Variants in DPH6 observed in about 807,000 individuals in gnomAD.
The protein encoded by DPH6 is diphthine--ammonia ligase.
Under a neutral mutation model 38.2 loss-of-function variants are expected in DPH6, and 33 were observed. The observed-to-expected ratio is 0.86, with a 90% CI of 0.65 to 1.15. DPH6 has a LOEUF of 1.15. Among genes scored for constraint, DPH6 ranks in the 50% most tolerant of loss-of-function variants. DPH6 has a pLI of 0.00. For missense variants in DPH6, 325 were observed against 320.0 expected (o/e 1.02, Z -0.12); for synonymous variants, 108 against 103.0 (o/e 1.05, Z -0.30).
downstream of DPH6, among the ~76,000 whole-genome samples, chr15:35,366,442 T>C (rs1301330549): frequency 1.3e-5 from 2 of 151,974 alleles, no homozygotes; most frequent in Admixed American, 1.3e-4. Flanking sequence ...TAAGTGTTTA[T>C]TTAGCACTGA....
the DPH6 span, among the ~76,000 whole-genome samples, chr15:35,192,913 T>C: frequency 6.6e-6 from 1 of 152,166 alleles, no homozygotes. Context: ...TGTTGCTTTC[T>C]AGAAACTGCC....
intron 3 of DPH6, among the ~76,000 whole-genome samples, chr15:35,346,296 G>T (rs958043471): frequency 2.6e-5 from 4 of 151,894 alleles, no homozygotes; most frequent in African/African-American, 9.7e-5. Flanking sequence ...ATCTACTCTT[G>T]GAAGTGTGTG....
chr15:35,234,683 T>C (rs1420347480), intron 3 of DPH6, among the ~76,000 whole-genome samples: 3 of 152,258 alleles, frequency 2.0e-5, no homozygotes, highest in Admixed American at 6.5e-5. Flanking sequence ...AATGAAAACA[T>C]TGCATTTCTT....
intron 3 of DPH6, chr15:35,365,868 G>A: frequency 3.0e-6 from 3 of 985,212 alleles, no homozygotes; most frequent in South Asian, 9.4e-5. Context: ...CTACAGCCCA[G>A]CACCCATTCA....
chr15:35,153,256 A>G, the DPH6 span, among the ~76,000 whole-genome samples: 9 of 152,226 alleles, frequency 5.9e-5, no homozygotes, highest in Non-Finnish European at 1.3e-4. Flanking sequence ...TATCTGGCAT[A>G]CAGAAAAAAA....
At chr15:35,389,528 T>C (rs995042850) in intron 6 of DPH6, among the ~76,000 whole-genome samples, 2 of 152,228 alleles carry the variant, frequency 1.3e-5, no homozygotes, top group Admixed American at 6.5e-5. Flanking sequence ...GGTGCTCCTG[T>C]ATTGGGTGCA....
downstream of DPH6, among the ~76,000 whole-genome samples, chr15:35,368,731 T>A (rs2052684196): frequency 1.3e-5 from 2 of 151,872 alleles, no homozygotes; most frequent in Admixed American, 6.6e-5. Flanking sequence ...AGGAGAACAG[T>A]TGTGTTAAAT....
At chr15:35,177,448 T>C in the DPH6 span, among the ~76,000 whole-genome samples, 13 of 151,538 alleles carry the variant, frequency 8.6e-5, no homozygotes, top group Non-Finnish European at 1.9e-4. Flanking sequence ...TAGCTGAGCA[T>C]GATGGTGTCC....
chr15:35,415,571 A>G (rs375043791), intron 5 of DPH6, among the ~76,000 whole-genome samples: 1 of 152,080 alleles, frequency 6.6e-6, no homozygotes, highest in African/African-American at 2.4e-5. Context: ...TCCACAGTGG[A>G]TAAAGTTATT....
the DPH6 span, among the ~76,000 whole-genome samples, chr15:35,164,493 C>T: frequency 1.3e-5 from 2 of 151,456 alleles, no homozygotes; most frequent in African/African-American, 4.8e-5. Flanking sequence ...CTGTAAGTAT[C>T]AGCAGTGAAT....
chr15:35,380,976 T>C (rs1415306371), intron 7 of DPH6, among the ~76,000 whole-genome samples: 2 of 152,212 alleles, frequency 1.3e-5, no homozygotes, highest in African/African-American at 4.8e-5. Context: ...TTGCATATGG[T>C]AATGAAAATG....
the DPH6 span, among the ~76,000 whole-genome samples, chr15:35,156,232 C>T: frequency 6.6e-6 from 1 of 151,836 alleles, no homozygotes; most frequent in East Asian, 1.9e-4. Flanking sequence ...ATATGTTGTA[C>T]AAAAGAAAGC....
At chr15:35,294,196 A>C (rs1027982754) in intron 3 of DPH6, among the ~76,000 whole-genome samples, 1 of 151,974 alleles carries the variant, frequency 6.6e-6, no homozygotes, top group Non-Finnish European at 1.5e-5. Context: ...CTCCATCCCC[A>C]ACCCAAATGC....
At chr15:35,336,911 T>A (rs1289887699) in intron 3 of DPH6, among the ~76,000 whole-genome samples, 4 of 152,124 alleles carry the variant, frequency 2.6e-5, no homozygotes, top group Non-Finnish European at 4.4e-5. Flanking sequence ...AATTCTCTTT[T>A]TTGGTTGTGT....
At chr15:35,301,013 T>C (rs572099349) in intron 3 of DPH6, among the ~76,000 whole-genome samples, 56 of 152,338 alleles carry the variant, frequency 3.7e-4, no homozygotes, top group African/African-American at 1.3e-3. Flanking sequence ...TTATCTGAGA[T>C]TATTTCTTGA....
intron 5 of DPH6, among the ~76,000 whole-genome samples, chr15:35,430,635 T>G (rs1336278039): frequency 1.3e-5 from 2 of 152,156 alleles, no homozygotes; most frequent in Non-Finnish European, 2.9e-5. Flanking sequence ...AAAGCTGGGC[T>G]TTGTGCAATA....
At chr15:35,489,565 A>C in intron 3 of DPH6, 1 of 982,876 alleles carries the variant, frequency 1.0e-6, no homozygotes, top group Non-Finnish European at 1.2e-6. Flanking sequence ...CTCATGTTTA[A>C]ATTTTTCTGA....
downstream of DPH6, among the ~76,000 whole-genome samples, chr15:35,213,159 G>C (rs1039804731): frequency 6.6e-6 from 1 of 152,152 alleles, no homozygotes; most frequent in Non-Finnish European, 1.5e-5. Context: ...ACACTTTCCT[G>C]TAATTACATG....
At chr15:35,502,548 T>C (rs1280626097) in intron 3 of DPH6, among the ~76,000 whole-genome samples, 2 of 152,004 alleles carry the variant, frequency 1.3e-5, no homozygotes, top group African/African-American at 4.8e-5. Context: ...TTATTAATGC[T>C]TTGTAATATA....
Sources: allele counts gnomAD v4.1 joint callset (sites outside exome capture counted in the v4.1 genomes callset), GRCh38; gene constraint gnomAD v4.1.1; transcripts MANE v1.5; gene names NCBI Gene and HGNC (gene_info 2026-07-23, HGNC 2026-07-21).